Variants in SORCS2 observed in about 807,000 individuals in gnomAD.
The protein encoded by SORCS2 is sortilin related VPS10 domain containing receptor 2, also known as VPS10 domain-containing receptor SorCS2.
SORCS2 carries 100 observed loss-of-function variants against 141.6 expected under a neutral mutation model. The ratio of observed to expected loss-of-function variants is 0.71; its 90% confidence interval spans 0.60 to 0.83. SORCS2 has a LOEUF of 0.83. SORCS2 is among the 40% of genes least tolerant of loss of function. The pLI is 0.00. For synonymous variants in SORCS2, 789 were observed against 676.9 expected (o/e 1.17, Z -2.57); for missense variants, 1,646 against 1,560.2 (o/e 1.05, Z -0.93).
intron 3 of SORCS2, among the ~76,000 whole-genome samples, chr4:7,618,549 C>A (rs150107743): frequency 6.6e-6 from 1 of 152,310 alleles, no homozygotes; most frequent in Non-Finnish European, 1.5e-5. Flanking sequence ...ACGTTCTGCT[C>A]GCCCCTTCAT....
intron 2 of SORCS2, among the ~76,000 whole-genome samples, chr4:7,461,441 C>T (rs1577603620): frequency 1.3e-5 from 2 of 152,232 alleles, no homozygotes; most frequent in African/African-American, 4.8e-5. Flanking sequence ...ATGGTGGCTG[C>T]ACACTGCGTG....
At chr4:7,244,582 G>T (rs1712950859) in intron 1 of SORCS2, among the ~76,000 whole-genome samples, 1 of 152,216 alleles carries the variant, frequency 6.6e-6, no homozygotes, top group Non-Finnish European at 1.5e-5. Context: ...CGTGGTGTGG[G>T]TTGGCCTTGG....
chr4:7,694,454 A>G (rs900557348), intron 11 of SORCS2, among the ~76,000 whole-genome samples: 5 of 151,422 alleles, frequency 3.3e-5, no homozygotes, highest in African/African-American at 1.2e-4. Context: ...AGGCAGCCTG[A>G]CAGCTTTGGT....
chr4:7,615,508 T>C (rs1178874493), intron 3 of SORCS2, among the ~76,000 whole-genome samples: 2 of 152,224 alleles, frequency 1.3e-5, no homozygotes, highest in African/African-American at 2.4e-5. Flanking sequence ...TGTTGCACCC[T>C]GGGGTGATCT....
chr4:7,685,955 C>T (rs1232825077), intron 10 of SORCS2, among the ~76,000 whole-genome samples: 1 of 152,210 alleles, frequency 6.6e-6, no homozygotes, highest in African/African-American at 2.4e-5. Flanking sequence ...TAAGGTATCA[C>T]CAGAATCACA....
chr4:7,387,617 A>C (rs1374468531), intron 1 of SORCS2, among the ~76,000 whole-genome samples: 1 of 146,126 alleles, frequency 6.8e-6, no homozygotes, highest in Non-Finnish European at 1.5e-5. Flanking sequence ...ATGCACACAC[A>C]TACACATTTG....
intron 3 of SORCS2, among the ~76,000 whole-genome samples, chr4:7,562,666 A>C (rs1406633825): frequency 6.6e-6 from 1 of 152,210 alleles, no homozygotes; most frequent in Non-Finnish European, 1.5e-5. Flanking sequence ...TTAAAGTAAC[A>C]GAAACGTATT....
chr4:7,697,474 C>G (rs1368549573), intron 12 of SORCS2, among the ~76,000 whole-genome samples, 200 bp downstream of exon 12: 1 of 152,214 alleles, frequency 6.6e-6, no homozygotes, highest in Non-Finnish European at 1.5e-5. Context: ...AAAAGCAAGT[C>G]CAGGCAGATG....
intron 3 of SORCS2, among the ~76,000 whole-genome samples, chr4:7,566,725 A>C (rs1470196201): frequency 6.6e-6 from 1 of 152,248 alleles, no homozygotes; most frequent in Non-Finnish European, 1.5e-5. Flanking sequence ...CTCACAGCCA[A>C]CTGGCTAGAG....
At chr4:7,652,285 G>A (rs1308942738) in intron 4 of SORCS2, among the ~76,000 whole-genome samples, 3 of 152,178 alleles carry the variant, frequency 2.0e-5, no homozygotes, top group Non-Finnish European at 2.9e-5. Context: ...AGCGGCTCTG[G>A]GCCTTGCCCG....
intron 3 of SORCS2, among the ~76,000 whole-genome samples, chr4:7,572,219 C>A (rs1251638786): frequency 1.3e-5 from 2 of 152,160 alleles, no homozygotes; most frequent in African/African-American, 4.8e-5. Context: ...GAGGCTGAGG[C>A]CCCAAGCTTT....
chr4:7,434,736 G>A (rs1359797015), intron 2 of SORCS2: 2 of 1,613,040 alleles, frequency 1.2e-6, no homozygotes, highest in South Asian at 1.1e-5. Flanking sequence ...CCCCTTGGCA[G>A]TACCCCACAG....
chr4:7,446,071 T>TCCTC (rs1166968797), intron 2 of SORCS2, among the ~76,000 whole-genome samples: 1 of 151,526 alleles, frequency 6.6e-6, no homozygotes, highest in Non-Finnish European at 1.5e-5. Context: ...CTTCCTTCCT[T>TCCTC]CCTCCCTGTC....
At chr4:7,614,452 C>T (rs916433299) in intron 3 of SORCS2, among the ~76,000 whole-genome samples, 2 of 149,498 alleles carry the variant, frequency 1.3e-5, no homozygotes, top group African/African-American at 5.0e-5. Flanking sequence ...CATAATCCAT[C>T]CATTCACCCA....
intron 1 of SORCS2, among the ~76,000 whole-genome samples, chr4:7,278,850 C>G (rs1257420913): frequency 2.0e-5 from 3 of 152,200 alleles, no homozygotes; most frequent in East Asian, 3.8e-4. Context: ...CAGAAGGGAT[C>G]TGACACAGGA....
intron 2 of SORCS2, among the ~76,000 whole-genome samples, chr4:7,496,240 C>A (rs776985738): frequency 6.6e-6 from 1 of 152,160 alleles, no homozygotes; most frequent in Non-Finnish European, 1.5e-5. Flanking sequence ...CTGGAACCTG[C>A]AAAGAACTTC....
chr4:7,409,580 C>T lies in SORCS2; in HGVS notation c.548+13225C>T, dbSNP rs116698027. ...ATGGATCATGGCAGGAACAGTCTCC[C>T]GCCAGAGAACCCAAGATGATGGGGA... On this transcript the variant is annotated intron_variant, in intron 2 of 26. Transcript: ENST00000507866. Among the ~76,000 whole-genome samples the T allele has an allele frequency of 2.3e-3, 353 of 152,266 alleles. 1 individual carries two copies. The highest frequency in any genetic ancestry group is 3.5e-3 in the Non-Finnish European group (239 of 68,014).
chr4:7,282,043 C>T (rs1560162185), intron 1 of SORCS2, among the ~76,000 whole-genome samples: 1 of 152,182 alleles, frequency 6.6e-6, no homozygotes, highest in African/African-American at 2.4e-5. Context: ...GGGAACCTCA[C>T]TTTGGCCCCC....
chr4:7,396,626 T>C (rs1273975009), intron 2 of SORCS2, among the ~76,000 whole-genome samples: 1 of 152,236 alleles, frequency 6.6e-6, no homozygotes, highest in Non-Finnish European at 1.5e-5. Context: ...CCGCTTCCTT[T>C]TTTTCCTCCC....
Sources: allele counts gnomAD v4.1 joint callset (sites outside exome capture counted in the v4.1 genomes callset), GRCh38; gene constraint gnomAD v4.1.1; transcripts MANE v1.5; gene names NCBI Gene and HGNC (gene_info 2026-07-23, HGNC 2026-07-21).